The following DDX21 variants were observed in gnomAD, a reference collection of about 807,000 sequenced individuals.
DDX21 encodes the protein DExD-box helicase 21, also known as nucleolar RNA helicase 2.
DDX21 carries 18 observed loss-of-function variants against 90.0 expected under a neutral mutation model. The ratio of observed to expected loss-of-function variants is 0.20; its 90% CI spans 0.14 to 0.30. The LOEUF is 0.30. Among genes scored for constraint, DDX21 ranks in the 10% least tolerant of loss-of-function variants. DDX21 has a pLI of 1.00. For synonymous variants in DDX21, 294 were observed against 318.0 expected, an observed-to-expected ratio of 0.92 and a Z score of 0.80; for missense variants, 673 against 944.5, an observed-to-expected ratio of 0.71 and a Z score of 3.77.
chr10:68,980,155 A>G (rs1267949838), intron 13 of DDX21, among the ~76,000 whole-genome samples: 3 of 152,052 alleles, frequency 2.0e-5, no homozygotes, highest in Admixed American at 2.0e-4. Flanking sequence ...CAGGAGAATC[A>G]CTTGAACCCG....
intron 4 of DDX21, chr10:68,964,001 G>A (rs1242611046): frequency 7.7e-6 from 2 of 258,198 alleles, no homozygotes; most frequent in Non-Finnish European, 1.5e-5. Flanking sequence ...TTGGGAGGCT[G>A]AGGCAGGAGA....
Position 68,971,411 on chromosome 10 carries a change from T to A in DDX21, c.1387-480T>A, listed in dbSNP as rs533152995. On this transcript the variant is annotated intron_variant, in intron 8 of 14. Transcript: ENST00000354185. ...CCCCAACTAATTTTATTTTTTTAAA[T>A]TTTTTTTCTATTTTTAGTAGAGACC... Among the ~76,000 whole-genome samples the A allele has an allele frequency of 3.3e-4, 50 of 152,122 alleles. No individual in the cohort carries two copies. The South Asian group carries it at 1.0e-2, about 30-fold the overall frequency.
intron 8 of DDX21, among the ~76,000 whole-genome samples, chr10:68,970,988 A>G (rs537548640): frequency 5.4e-4 from 44 of 81,864 alleles, no homozygotes; most frequent in African/African-American, 2.0e-3. Flanking sequence ...TTTTTTGGAG[A>G]CAGGGTCTCA....
chr10:68,977,488 A>C, intron 11 of DDX21, 41 bp from the exon 12 acceptor site: 2 of 1,523,190 alleles, frequency 1.3e-6, no homozygotes, highest in Non-Finnish European at 1.8e-6. Flanking sequence ...AAATGTGTCC[A>C]CTTCTAGTAT....
chr10:68,965,358 A>G lies in DDX21; in HGVS notation c.787-19A>G. On this transcript the variant is annotated intron_variant, in intron 4 of 14. Coordinates refer to ENST00000354185, the MANE Select transcript of DDX21 (RefSeq NM_004728.4). ...AAATACTACACAGTAATTTGAATTC[A>G]ATTATTTTTCTTTATCAGGTACTGG... 1 of 1,587,850 alleles carries G rather than the reference A, an allele frequency of 6.3e-7. No individual in the cohort carries two copies. Among genetic ancestry groups the G allele is most frequent in the Non-Finnish European group, 8.6e-7 (1 of 1,158,138 alleles).
At chr10:68,963,689 G>A (rs1842901562) in intron 4 of DDX21, among the ~76,000 whole-genome samples, 1 of 151,998 alleles carries the variant, frequency 6.6e-6, no homozygotes, top group Non-Finnish European at 1.5e-5. Context: ...CTTTCCCACA[G>A]TTTTGATCAT....
chr10:68,972,806 G>C (rs930776054), intron 9 of DDX21, among the ~76,000 whole-genome samples: 1 of 152,080 alleles, frequency 6.6e-6, no homozygotes, highest in Non-Finnish European at 1.5e-5. Flanking sequence ...TTTATTATGC[G>C]GTCTGGATTT....
chr10:68,972,685 G>A (rs1843043934), intron 9 of DDX21, among the ~76,000 whole-genome samples: 2 of 152,120 alleles, frequency 1.3e-5, no homozygotes, highest in South Asian at 2.1e-4. Flanking sequence ...ATTGTTTCAC[G>A]AGCCTTTAGA....
At chr10:68,956,527 C>T in intron 1 of DDX21, 4 of 1,411,662 alleles carry the variant, frequency 2.8e-6, no homozygotes, top group Non-Finnish European at 3.7e-6. Flanking sequence ...CCGCCGTGCG[C>T]TGACCTCTTC....
At position 68,973,565 on chromosome 10, in the gene DDX21, T is replaced by C. The variant is rs1843055549; in HGVS notation, c.1569T>C (p.His523=). ...AATAGGATGTAGAGTCCTACATTCA[T>C]CGATCCGGGCGGACAGGCAGAGCTG... ...SPPKDVESYI[H]RSGRTGRAGR... is the part of the protein sequence containing the mutation. Residue 523 remains histidine (H), a synonymous_variant, in exon 10 of 15, where the codon CAT becomes CAC. Coordinates refer to ENST00000354185, the MANE Select transcript of DDX21 (RefSeq NM_004728.4). 2 of 1,614,104 alleles carry C rather than the reference T, an allele frequency of 1.2e-6. No homozygotes were observed. Among genetic ancestry groups the C allele is most frequent in the African/African-American group, 1.3e-5 (1 of 75,050 alleles).
intron 14 of DDX21, 40 bp from the exon 15 acceptor site, chr10:68,982,503 A>G (rs1459834854): frequency 6.4e-7 from 1 of 1,560,352 alleles, no homozygotes. Context: ...AAAATTGAAT[A>G]CTAATTAAAG....
At position 68,982,851 on chromosome 10, in the gene DDX21, G is replaced by C. The variant is rs746422873; in HGVS notation, c.*39G>C. The C allele has an allele frequency of 3.1e-6, 5 of 1,607,496 alleles. No homozygotes were observed. The highest frequency in any genetic ancestry group is 4.3e-6 in the Non-Finnish European group (5 of 1,176,152). On this transcript the variant is annotated 3_prime_UTR_variant, in exon 15 of 15. Transcript: ENST00000354185. Reference sequence around the variant, plus strand: ...ATTTATATAGCAAAAAGAGAATGATGTTTGGCAATATAGAACTGAACATTA... The same window carrying C: ...ATTTATATAGCAAAAAGAGAATGATCTTTGGCAATATAGAACTGAACATTA...
chr10:68,971,828 T>G (rs762011621), intron 8 of DDX21, 63 bp from the exon 9 acceptor site: 6 of 1,539,378 alleles, frequency 3.9e-6, no homozygotes, highest in Non-Finnish European at 5.3e-6. Context: ...GCCTAACTGA[T>G]GAAGAGAAAA....
At chr10:68,974,554 T>TCA (rs1843068798) in intron 10 of DDX21, 116 bp from the exon 11 acceptor site, 2 of 768,428 alleles carry the variant, frequency 2.6e-6, no homozygotes, top group African/African-American at 3.5e-5. Context: ...AATTAAAAGT[T>TCA]CATTTTTTAA....
Position 68,959,909 on chromosome 10 carries a change from C to T in DDX21, c.191C>T (p.Pro64Leu). Reference protein sequence around the residue: ...KAKQVKKKAEPSEVDMNSPKS... With the variant: ...KAKQVKKKAELSEVDMNSPKS... ...AAACAAGTTAAAAAGAAAGCAGAGC[C>T]TTCTGAAGTTGACATGAATTCTCCT... The change falls in exon 2 of 15, where the codon CCT (proline) becomes CTT (leucine). Residue 64 changes from proline (P) to leucine (L), a missense_variant. Transcript: ENST00000354185. 1 of 1,608,518 alleles carries T rather than the reference C, an allele frequency of 6.2e-7. No homozygotes were observed. The highest frequency in any genetic ancestry group is 8.5e-7 in the Non-Finnish European group (1 of 1,179,012).
intron 5 of DDX21, among the ~76,000 whole-genome samples, chr10:68,965,827 T>A (rs1222353495): frequency 2.6e-5 from 4 of 152,170 alleles, no homozygotes; most frequent in Admixed American, 2.0e-4. Flanking sequence ...CTTGGGTCTG[T>A]CCCTCTTTCT....
At chr10:68,958,576 A>G (rs753538876) in intron 1 of DDX21, among the ~76,000 whole-genome samples, 6 of 152,068 alleles carry the variant, frequency 3.9e-5, no homozygotes, top group Non-Finnish European at 7.4e-5. Context: ...AGCTGGGACT[A>G]CAGGTGCGTG....
chr10:68,956,600 A>C, intron 1 of DDX21: 2 of 1,243,240 alleles, frequency 1.6e-6, no homozygotes, highest in Non-Finnish European at 2.0e-6. Flanking sequence ...GGAGCTCGGG[A>C]GAGGGCCGGG....
At chr10:68,956,425 C>G in intron 1 of DDX21, 113 bp downstream of exon 1, 1 of 1,529,484 alleles carries the variant, frequency 6.5e-7, no homozygotes, top group Non-Finnish European at 8.8e-7. Context: ...AACAGCGCGT[C>G]CAGACACCGG....
Sources: allele counts gnomAD v4.1 joint callset (sites outside exome capture counted in the v4.1 genomes callset), GRCh38; gene constraint gnomAD v4.1.1; transcripts MANE v1.5; gene names NCBI Gene and HGNC (gene_info 2026-07-23, HGNC 2026-07-21).